The following TFEB variants were observed in gnomAD, a reference collection of about 807,000 sequenced individuals.
The protein encoded by TFEB is T-cell transcription factor EB.
A neutral mutation model predicts 48.0 loss-of-function variants in TFEB; 12 were observed. The observed-to-expected ratio is 0.25, with a 90% CI of 0.16 to 0.40. The LOEUF (loss-of-function observed/expected upper bound fraction) is 0.40. TFEB is among the 10% of genes least tolerant of loss of function. TFEB has a pLI of 1.00. For missense variants in TFEB, 509 were observed against 640.3 expected (o/e 0.79, Z 2.21); for synonymous variants, 244 against 261.4 (o/e 0.93, Z 0.64).
rs371263849 is a variant in TFEB, at chr6:41,704,273, C to A, written c.-22-13038G>T. ...CCGGGCTTAGTGGATCACGAATATGCTCTGGACCCTGACAGACCAGAATTC... is the reference window on the plus strand; with the variant it reads ...CCGGGCTTAGTGGATCACGAATATGATCTGGACCCTGACAGACCAGAATTC... On this transcript the variant is annotated intron_variant, in intron 1 of 8. Transcript: ENST00000373033. Among the ~76,000 whole-genome samples the A allele has an allele frequency of 9.6e-4, 146 of 152,354 alleles. 2 individuals carry two copies. The South Asian group carries it at 0.027, about 28-fold the overall frequency.
At chr6:41,693,562 G>A (rs902698315) in intron 1 of TFEB, among the ~76,000 whole-genome samples, 1 of 152,068 alleles carries the variant, frequency 6.6e-6, no homozygotes, top group South Asian at 2.1e-4. Context: ...CCAGGCCCAG[G>A]AATGGAGCCC....
intron 1 of TFEB, among the ~76,000 whole-genome samples, chr6:41,721,690 AT>A (rs1770990550): frequency 6.6e-6 from 1 of 152,194 alleles, no homozygotes; most frequent in African/African-American, 2.4e-5. Context: ...TGTGCTAAGC[AT>A]TTTACTATGG....
chr6:41,717,401 T>C (rs1770785279), intron 1 of TFEB, among the ~76,000 whole-genome samples: 1 of 152,120 alleles, frequency 6.6e-6, no homozygotes, highest in Non-Finnish European at 1.5e-5. Flanking sequence ...GATATCTGCA[T>C]ATGGATTGAA....
chr6:41,732,469 A>T (rs532030610), intron 1 of TFEB, among the ~76,000 whole-genome samples: 1 of 152,220 alleles, frequency 6.6e-6, no homozygotes, highest in Non-Finnish European at 1.5e-5. Context: ...TTGTTCTAGT[A>T]TAGCATAAAA....
chr6:41,719,039 C>T (rs1008464981), intron 1 of TFEB, among the ~76,000 whole-genome samples: 25 of 152,220 alleles, frequency 1.6e-4, no homozygotes, highest in African/African-American at 5.5e-4. Flanking sequence ...ATATTTGCAG[C>T]CACTCCCCAT....
intron 1 of TFEB, among the ~76,000 whole-genome samples, chr6:41,725,829 G>A (rs1195148989): frequency 1.3e-5 from 2 of 152,206 alleles, no homozygotes; most frequent in Non-Finnish European, 2.9e-5. Flanking sequence ...TCACCATCAT[G>A]GCAGAAATTA....
intron 1 of TFEB, among the ~76,000 whole-genome samples, chr6:41,698,310 G>A (rs1769716325): frequency 6.6e-6 from 1 of 152,170 alleles, no homozygotes; most frequent in African/African-American, 2.4e-5. Context: ...CCTCAGTCCT[G>A]CATTCAGGGT....
intron 1 of TFEB, among the ~76,000 whole-genome samples, chr6:41,709,889 C>T (rs1350845111): frequency 1.3e-5 from 2 of 152,178 alleles, no homozygotes; most frequent in Non-Finnish European, 2.9e-5. Context: ...CAGGCTCAAA[C>T]GATCCTCCCA....
chr6:41,730,427 A>C lies in TFEB; in HGVS notation c.-23+4923T>G, dbSNP rs1771403810. Among the ~76,000 whole-genome samples the C allele has an allele frequency of 6.6e-6, 1 of 152,226 alleles. No homozygotes were observed. Among genetic ancestry groups the C allele is most frequent in the Non-Finnish European group, 1.5e-5 (1 of 68,038 alleles). On this transcript the variant is annotated intron_variant, in intron 1 of 8. Coordinates refer to ENST00000373033, the MANE Select transcript of TFEB (RefSeq NM_001271944.2). The surrounding 1 kb of genome is among the most constrained non-coding windows in gnomAD (Gnocchi z 4.1). The stretch of plus-strand genomic sequence containing the variant: ...CTCTGGGACCACTGCTGAATGCATA[A>C]GAGCCAACCAGGTGGCCTGCATGGC...
chr6:41,726,922 C>A lies in TFEB; in HGVS notation c.-23+8428G>T, dbSNP rs77709025. Among the ~76,000 whole-genome samples the A allele has an allele frequency of 4.6e-5, 7 of 152,314 alleles. No individual in the cohort carries two copies. In the East Asian group the frequency reaches 1.3e-3, roughly 29 times the overall value. On this transcript the variant is annotated intron_variant, in intron 1 of 8. Coordinates refer to ENST00000373033, the MANE Select transcript of TFEB (RefSeq NM_001271944.2). ...TAATTAGATCCAAAGAAGTGGATGA[C>A]AACCTATAGTTAGGCACAGGTCTGG...
chr6:41,721,245 T>C (rs1252825280), intron 1 of TFEB, among the ~76,000 whole-genome samples: 1 of 152,200 alleles, frequency 6.6e-6, no homozygotes, highest in Non-Finnish European at 1.5e-5. Context: ...GCACTGCTGC[T>C]GCGCCTTATA....
chr6:41,686,104 A>G lies in TFEB; in HGVS notation c.937T>C (p.Trp313Arg), dbSNP rs778713362. The G allele has an allele frequency of 1.9e-6, 3 of 1,614,276 alleles. No homozygotes were observed. The South Asian group carries it at 3.3e-5, about 18-fold the overall frequency. The change falls in exon 8 of 9, where the codon TGG (tryptophan) becomes CGG (arginine). Residue 313 changes from tryptophan to arginine, a missense_variant. Around this residue, in one of 4 missense-constraint regions of TFEB, gnomAD observed 62 missense variants for 90.2 expected, o/e 0.69. Coordinates refer to ENST00000373033, the MANE Select transcript of TFEB (RefSeq NM_001271944.2). ...CAGGACCAGACCTGGATACGGAGCC[A>G]GAGCTGCTTGTTGGTCATCTCCAGG... ...RRLEMTNKQL[W>R]LRIQELEMQA... is the part of the protein sequence containing the mutation.
intron 1 of TFEB, among the ~76,000 whole-genome samples, chr6:41,695,292 G>A (rs1251961210): frequency 6.6e-6 from 1 of 152,190 alleles, no homozygotes; most frequent in Non-Finnish European, 1.5e-5. Flanking sequence ...TCCAGTCTGT[G>A]TGTGGGCCTT....
intron 1 of TFEB, chr6:41,735,071 G>A: frequency 1.0e-6 from 1 of 985,076 alleles, no homozygotes. Flanking sequence ...CCTCCCGCCC[G>A]GTTACATAAG....
intron 7 of TFEB, chr6:41,686,475 C>A (rs112260884): frequency 7.7e-6 from 3 of 391,192 alleles, no homozygotes; most frequent in African/African-American, 4.2e-5. Context: ...GCCTCCTTCC[C>A]AGACTACCAA....
In TFEB at chr6:41,684,819, C is replaced by A. The variant is rs1230529997; in HGVS notation, c.1211G>T (p.Gly404Val). ...GCCCGGGGGACCCTCGTCCTCCCTG[C>A]CCCCAAAGCTCAGGCTGTGGCTGAA... ...LDFSHSLSFG[G>V]REDEGPPGYP... is the part of the protein sequence containing the mutation. Residue 404 changes from glycine (G) to valine (V), a missense_variant, in exon 9 of 9, where the codon GGC becomes GTC. Physicochemically the swap from Gly to Val is moderately radical, Grantham distance 109 (BLOSUM62 -3). Around this residue, in one of 4 missense-constraint regions of TFEB, gnomAD observed 168 missense variants for 161.0 expected, o/e 1.04. Coordinates refer to ENST00000373033, the MANE Select transcript of TFEB (RefSeq NM_001271944.2). 2 of 1,594,638 alleles carry A rather than the reference C, an allele frequency of 1.3e-6. No homozygotes were observed. Among genetic ancestry groups the A allele is most frequent in the Non-Finnish European group, 1.7e-6 (2 of 1,169,286 alleles).
chr6:41,696,211 C>T (rs979959375), intron 1 of TFEB, among the ~76,000 whole-genome samples: 13 of 152,184 alleles, frequency 8.5e-5, no homozygotes, highest in African/African-American at 3.1e-4. Flanking sequence ...GATTTTTCTG[C>T]CCTCTAAATG....
chr6:41,707,630 C>T (rs1770296042), intron 1 of TFEB, among the ~76,000 whole-genome samples: 3 of 152,194 alleles, frequency 2.0e-5, no homozygotes, highest in African/African-American at 7.2e-5. Flanking sequence ...CTATAGGGTG[C>T]GAGACCTGTA....
At chr6:41,731,564 A>G (rs965497740) in intron 1 of TFEB, among the ~76,000 whole-genome samples, 2 of 151,064 alleles carry the variant, frequency 1.3e-5, no homozygotes, top group Non-Finnish European at 2.9e-5. Context: ...AGGGAATCCC[A>G]CAGATGATCC....
Sources: gnomAD v4.1 joint callset for allele counts (sites outside exome capture counted in the v4.1 genomes callset) on GRCh38, gnomAD v4.1.1 for gene constraint, gnomAD v4.1.1 regional missense constraint, Gnocchi (gnomAD v3.1) non-coding constraint, MANE v1.5 for transcripts, NCBI Gene and HGNC (gene_info 2026-07-23, HGNC 2026-07-21) for gene names.